PDGFA: variants seen among roughly 807,000 people sequenced by gnomAD.
The protein encoded by PDGFA is platelet derived growth factor subunit A.
In PDGFA, 9 loss-of-function variants were observed where a neutral mutation model predicts 25.6. The ratio of observed to expected loss-of-function variants is 0.35; its 90% CI spans 0.21 to 0.61. PDGFA has a LOEUF of 0.61. PDGFA is among the 20% of genes least tolerant of loss of function. The probability of loss-of-function intolerance (pLI) is 0.75; values close to 1 mark genes in which losing one functional copy is unlikely to be tolerated. For synonymous variants in PDGFA, 133 were observed against 111.8 expected (o/e 1.19, Z -1.20); for missense variants, 242 against 272.8 (o/e 0.89, Z 0.79).
chr7:501,237 G>C, exon 5 of PDGFA: 1 of 1,614,056 alleles, frequency 6.2e-7, no homozygotes, highest in Non-Finnish European at 8.5e-7. Flanking sequence ...ATTCCACCTT[G>C]GCCACCTGCC....
intron 3 of PDGFA, among the ~76,000 whole-genome samples, chr7:511,858 C>T (rs1004099571): frequency 6.6e-6 from 1 of 152,112 alleles, no homozygotes; most frequent in African/African-American, 2.4e-5. Flanking sequence ...AGCCCTGGAG[C>T]CAGGTGTGAG....
intron 2 of PDGFA, 198 bp from the exon 3 acceptor site, chr7:512,653 GGCATGA>G: frequency 6.6e-7 from 1 of 1,514,060 alleles, no homozygotes. Flanking sequence ...AGAGATGCAG[GGCATGA>G]AACACTGGAA....
chr7:519,234 G>C (rs933862026), exon 1 of PDGFA: 7 of 415,472 alleles, frequency 1.7e-5, no homozygotes, highest in East Asian at 7.4e-5. Context: ...CCCGCAGCGC[G>C]GGGAGCCTCC....
At chr7:514,783 C>A (rs1193804448) in intron 2 of PDGFA, among the ~76,000 whole-genome samples, 1 of 152,266 alleles carries the variant, frequency 6.6e-6, no homozygotes, top group Non-Finnish European at 1.5e-5. Flanking sequence ...ACAGGACAAA[C>A]AGGCCCTAAA....
chr7:519,124 G>A, exon 1 of PDGFA: 1 of 653,978 alleles, frequency 1.5e-6, no homozygotes, highest in Non-Finnish European at 2.4e-6. Context: ...GAGGAGGGTG[G>A]CGCGGGGAGC....
At chr7:502,042 T>C (rs747938201) in intron 4 of PDGFA, among the ~76,000 whole-genome samples, 24 of 151,976 alleles carry the variant, frequency 1.6e-4, no homozygotes, top group Non-Finnish European at 1.0e-4. Flanking sequence ...CTGGGCAACA[T>C]AGTAAGACCC....
Position 508,559 on chromosome 7 carries a change from C to CAAAAAAAAAAAAAAAAAAAAAAAA in PDGFA, c.453+2226_453+2249dup, listed in dbSNP as rs766165770. On this transcript the variant is annotated intron_variant, in intron 4 of 5. Coordinates refer to ENST00000402802, the Ensembl canonical transcript of PDGFA. ...TGGGCAACAGAGCAAGAAGCTGTCCCAAAAAAAAAAAAAAAAAAAAAAAAA... is the reference window on the plus strand; with the variant it reads ...TGGGCAACAGAGCAAGAAGCTGTCCCAAAAAAAAAAAAAAAAAAAAAAAAAAAAAAAAAAAAAAAAAAAAAAAAA... Among the ~76,000 whole-genome samples, 2 of 35,664 alleles carry CAAAAAAAAAAAAAAAAAAAAAAAA rather than the reference C, an allele frequency of 5.6e-5. 1 individual carries two copies. The highest frequency in any genetic ancestry group is 9.9e-5 in the Non-Finnish European group (2 of 20,284). The allele number at this position is 35,664 out of a possible 152,430, so 23.4% of individuals were successfully genotyped here.
chr7:517,409 C>G lies in PDGFA; in HGVS notation c.145G>C (p.Glu49Gln), dbSNP rs1216130855. 2 of 1,386,616 alleles carry G rather than the reference C, an allele frequency of 1.4e-6. No individual in the cohort carries two copies. Among genetic ancestry groups the G allele is most frequent in the South Asian group, 1.5e-5 (1 of 67,546 alleles). The allele number at this position is 1,386,616 out of a possible 1,614,324, so 85.9% of individuals were successfully genotyped here. The change falls in exon 2 of 6, where the codon GAG becomes CAG. Residue 49 changes from glutamate to glutamine, a missense_variant. Physicochemically the swap from Glu to Gln is conservative, Grantham distance 29. Around this residue, in one of 5 missense-constraint regions of PDGFA, gnomAD observed 113 missense variants for 98.3 expected, o/e 1.15. Coordinates refer to ENST00000402802, the Ensembl canonical transcript of PDGFA. The surrounding 1 kb of genome is among the most constrained non-coding windows in gnomAD (Gnocchi z 7.4). ...CGCGATTTACCTACGGAGTCTATCT[C>G]CAGGAGTCGCTGGAGGTCCCGGATG... is the stretch of plus-strand genomic sequence containing the variant.
chr7:498,648 A>C (rs1013202996), intron 5 of PDGFA, 74 bp from the exon 6 acceptor site: 1 of 1,385,226 alleles, frequency 7.2e-7, no homozygotes, highest in African/African-American at 1.4e-5. Flanking sequence ...ATGGCTGCAT[A>C]GGAGGAAAAC....
rs1410196058 is a variant in PDGFA, at chr7:517,113, C to A, written c.160+281G>T. Among the ~76,000 whole-genome samples the A allele has an allele frequency of 6.6e-6, 1 of 151,606 alleles. No individual in the cohort carries two copies. Among genetic ancestry groups the A allele is most frequent in the Non-Finnish European group, 1.5e-5 (1 of 67,846 alleles). On this transcript the variant is annotated intron_variant, in intron 2 of 5. Coordinates refer to ENST00000402802, the Ensembl canonical transcript of PDGFA. The surrounding 1 kb of genome is among the most constrained non-coding windows in gnomAD (Gnocchi z 7.4). ...CGAGGGCAGGCGCGGGGCCCGCACA[C>A]CTGGCGGAGGCCGCGGCTGAACTTT... is the stretch of plus-strand genomic sequence containing the variant.
intron 4 of PDGFA, among the ~76,000 whole-genome samples, chr7:509,620 A>T (rs967290186): frequency 2.0e-5 from 3 of 152,064 alleles, no homozygotes; most frequent in African/African-American, 7.2e-5. Flanking sequence ...AGGCTTCATG[A>T]ATGGAATTAG....
At chr7:502,296 G>A (rs1782376213) in intron 4 of PDGFA, among the ~76,000 whole-genome samples, 1 of 152,072 alleles carries the variant, frequency 6.6e-6, no homozygotes, top group South Asian at 2.1e-4. Flanking sequence ...GCCCAAGGTT[G>A]CTGTGGACTT....
chr7:510,643 C>T (rs1392597921), intron 4 of PDGFA, among the ~76,000 whole-genome samples, 166 bp downstream of exon 4: 1 of 63,402 alleles, frequency 1.6e-5, no homozygotes, highest in East Asian at 4.8e-4. Flanking sequence ...CTCACCTTGA[C>T]GCTGTGGTGG....
In PDGFA at chr7:515,456, G is replaced by C. The variant is rs150466324; in HGVS notation, c.160+1938C>G. 3.6e-3 allele frequency among the ~76,000 whole-genome samples: 554 copies of C among 152,320 alleles called. 5 individuals carry two copies. The highest frequency in any genetic ancestry group is 0.013 in the African/African-American group (540 of 41,574). On this transcript the variant is annotated intron_variant, in intron 2 of 5. Transcript: ENST00000402802. ...CGGTGCCTCTCCTGTCCTCAGGCGA[G>C]AGACTGTGGGTTTCTCTGGTTCTGT...
chr7:518,221 C>T (rs1245905628), intron 1 of PDGFA, among the ~76,000 whole-genome samples: 1 of 152,190 alleles, frequency 6.6e-6, no homozygotes. Flanking sequence ...TCCCCCACTC[C>T]CCTCCCCGAT....
At chr7:499,721 C>CCCCCCCG (rs1782242088) in intron 5 of PDGFA, among the ~76,000 whole-genome samples, 2 of 68,398 alleles carry the variant, frequency 2.9e-5, no homozygotes, top group South Asian at 1.1e-3. Flanking sequence ...TTTTGCCCTT[C>CCCCCCCG]CCCCCCCCCC....
chr7:519,313 T>G, exon 1 of PDGFA: 22 of 306,144 alleles, frequency 7.2e-5, no homozygotes, highest in East Asian at 1.7e-4. Context: ...CCTCGGTGCG[T>G]TCCCGGTGCT....
chr7:510,819 C>CGGTGGTGGACGCGGGAG lies in PDGFA; in HGVS notation c.426_442dup (p.Arg148ProfsTer23). 1 of 1,567,062 alleles carries CGGTGGTGGACGCGGGAG rather than the reference C, an allele frequency of 6.4e-7. No homozygotes were observed. Among genetic ancestry groups the CGGTGGTGGACGCGGGAG allele is most frequent in the Non-Finnish European group, 8.6e-7 (1 of 1,159,230 alleles). On this transcript the variant is annotated frameshift_variant, in exon 4 of 6. Coordinates refer to ENST00000402802, the Ensembl canonical transcript of PDGFA. LOFTEE classifies it high-confidence loss of function. ...GAGGGGAGGGCTCACCTTGACGCTG[C>CGGTGGTGGACGCGGGAG]GGTGGTGGACGCGGGAGGGCTGGCA...
At chr7:510,746 GA>G in intron 4 of PDGFA, 62 bp downstream of exon 4, 1 of 430,770 alleles carries the variant, frequency 2.3e-6, no homozygotes, top group Non-Finnish European at 4.1e-6. Context: ...GGGGAGAGGA[GA>G]GGAGGGGAGG....
Sources: allele counts gnomAD v4.1 joint callset (sites outside exome capture counted in the v4.1 genomes callset), GRCh38; gene constraint gnomAD v4.1.1; regional missense constraint gnomAD v4.1.1; non-coding constraint Gnocchi (gnomAD v3.1); transcripts MANE v1.5; gene names NCBI Gene and HGNC (gene_info 2026-07-23, HGNC 2026-07-21).